The following PDE1A variants were observed in gnomAD, a reference collection of about 807,000 sequenced individuals.
PDE1A encodes the protein dual specificity calcium/calmodulin-dependent 3',5'-cyclic nucleotide phosphodiesterase 1A.
In PDE1A, 35 loss-of-function variants were observed where a neutral mutation model predicts 61.7. The observed-to-expected ratio is 0.57, with a 90% CI of 0.43 to 0.75. The LOEUF (loss-of-function observed/expected upper bound fraction) is 0.75, where lower values mean the gene tolerates loss of function less well. PDE1A is among the 30% of genes least tolerant of loss of function. PDE1A has a pLI of 0.00. For missense variants in PDE1A, 597 were observed against 630.6 expected, an observed-to-expected ratio of 0.95 and a Z score of 0.57; for synonymous variants, 232 against 213.2, an observed-to-expected ratio of 1.09 and a Z score of -0.77.
intron 2 of PDE1A, among the ~76,000 whole-genome samples, chr2:182,487,637 A>G (rs1486158256): frequency 6.6e-6 from 1 of 152,174 alleles, no homozygotes; most frequent in African/African-American, 2.4e-5. Context: ...TGCCTGATAG[A>G]TCATTTACCT....
chr2:182,694,808 T>C, the PDE1A span, among the ~76,000 whole-genome samples: 1 of 106,810 alleles, frequency 9.4e-6, no homozygotes, highest in East Asian at 3.0e-4. Flanking sequence ...TGATATTACA[T>C]AGAGGAAAAA....
the PDE1A span, among the ~76,000 whole-genome samples, chr2:182,645,188 A>G: frequency 6.0e-4 from 91 of 152,160 alleles, no homozygotes; most frequent in Admixed American, 1.5e-3. Flanking sequence ...GGGTTTCACC[A>G]TGTTAGCCAG....
At chr2:182,345,237 G>T (rs1192072871) in intron 1 of PDE1A, among the ~76,000 whole-genome samples, 1 of 152,160 alleles carries the variant, frequency 6.6e-6, no homozygotes, top group Non-Finnish European at 1.5e-5. Flanking sequence ...TGACCTCCCA[G>T]GGTTTCACCC....
At chr2:182,260,443 C>G (rs183584305) in intron 2 of PDE1A, among the ~76,000 whole-genome samples, 61 of 152,240 alleles carry the variant, frequency 4.0e-4, no homozygotes, top group Admixed American at 1.2e-3. Flanking sequence ...ACAGAAACAT[C>G]CTCAGTTTAC....
intron 1 of PDE1A, among the ~76,000 whole-genome samples, chr2:182,351,933 T>C (rs983083417): frequency 3.7e-4 from 57 of 152,340 alleles, no homozygotes; most frequent in Middle Eastern, 6.8e-3. Flanking sequence ...GTTAGTCATA[T>C]GCCAAAAATG....
At chr2:182,504,504 G>A (rs1401357987) in intron 2 of PDE1A, among the ~76,000 whole-genome samples, 1 of 152,042 alleles carries the variant, frequency 6.6e-6, no homozygotes, top group Non-Finnish European at 1.5e-5. Context: ...AAAAATTATT[G>A]CCTCATGTAA....
At chr2:182,292,043 G>A (rs1694570234) in intron 1 of PDE1A, among the ~76,000 whole-genome samples, 1 of 152,038 alleles carries the variant, frequency 6.6e-6, no homozygotes, top group African/African-American at 2.4e-5. Flanking sequence ...TAGTAGTATA[G>A]TATGATCTAT....
intron 1 of PDE1A, among the ~76,000 whole-genome samples, chr2:182,306,376 T>G (rs1445545664): frequency 6.6e-6 from 1 of 152,108 alleles, no homozygotes; most frequent in East Asian, 1.9e-4. Flanking sequence ...GATTCTATTG[T>G]AATTCTATTT....
chr2:182,363,423 A>G (rs1252572221), intron 1 of PDE1A, among the ~76,000 whole-genome samples: 1 of 152,020 alleles, frequency 6.6e-6, no homozygotes, highest in Non-Finnish European at 1.5e-5. Flanking sequence ...TATTGAAAAA[A>G]AATAGAAGAG....
At chr2:182,430,913 C>CAATAGGTGGGAATTGA (rs1245248875), upstream of PDE1A, among the ~76,000 whole-genome samples, 1 of 116,276 alleles carries the variant, frequency 8.6e-6, no homozygotes, top group African/African-American at 3.3e-5. Context: ...ACAATGAGAT[C>CAATAGGTGGGAATTGA]ACATGGACAC....
chr2:182,396,058 TA>T lies in PDE1A; in HGVS notation c.53+30519del, dbSNP rs560554994. Among the ~76,000 whole-genome samples, 8 of 152,164 alleles carry T rather than the reference TA, an allele frequency of 5.3e-5. No homozygotes were observed. In the South Asian group the frequency reaches 1.7e-3, roughly 31 times the overall value. Reference sequence around the variant, plus strand: ...CTTGAGCAGGTCCTGAAGGCACAAGTAAGTTACGTGAGGAAGTGGCTCAAAT... The same window carrying T: ...CTTGAGCAGGTCCTGAAGGCACAAGTAGTTACGTGAGGAAGTGGCTCAAAT... On this transcript the variant is annotated intron_variant, in intron 1 of 13. Coordinates refer to ENST00000351439, the Ensembl canonical transcript of PDE1A.
the PDE1A span, among the ~76,000 whole-genome samples, chr2:182,609,049 A>T: frequency 6.6e-6 from 1 of 152,100 alleles, no homozygotes; most frequent in Non-Finnish European, 1.5e-5. Flanking sequence ...GAGAACCTTT[A>T]TGTCTAGCTA....
At chr2:182,193,116 T>G (rs892073616) in intron 10 of PDE1A, among the ~76,000 whole-genome samples, 1 of 151,818 alleles carries the variant, frequency 6.6e-6, no homozygotes, top group African/African-American at 2.4e-5. Flanking sequence ...GCCTCCCGAG[T>G]AGATGGGACT....
chr2:182,514,158 C>T (rs147389562), intron 2 of PDE1A, among the ~76,000 whole-genome samples: 1,652 of 152,242 alleles, frequency 0.011, 22 homozygotes, highest in Middle Eastern at 0.034. Context: ...AATTACAAAA[C>T]ACTGCTTAAA....
chr2:182,453,366 A>G (rs1007208186), intron 2 of PDE1A, among the ~76,000 whole-genome samples: 4 of 152,020 alleles, frequency 2.6e-5, no homozygotes, highest in Non-Finnish European at 5.9e-5. Flanking sequence ...ACAACTCCAT[A>G]GCCAAATTGG....
At chr2:182,249,532 A>G (rs1001291290) in intron 2 of PDE1A, among the ~76,000 whole-genome samples, 8 of 152,138 alleles carry the variant, frequency 5.3e-5, no homozygotes, top group African/African-American at 1.2e-4. Flanking sequence ...GCCTGGGGCT[A>G]AAGGTGGTAC....
chr2:182,274,590 G>A (rs1187376000), intron 1 of PDE1A, among the ~76,000 whole-genome samples: 2 of 152,146 alleles, frequency 1.3e-5, no homozygotes, highest in African/African-American at 2.4e-5. Context: ...CAATCAAATC[G>A]AGTCCAAAAG....
chr2:182,234,646 T>C, intron 3 of PDE1A, 148 bp from the exon 4 acceptor site: 1 of 586,260 alleles, frequency 1.7e-6, no homozygotes, highest in Non-Finnish European at 3.1e-6. Context: ...ATGATAACTA[T>C]AGTCACCTTT....
intron 1 of PDE1A, among the ~76,000 whole-genome samples, chr2:182,310,867 G>C (rs559378507): frequency 1.3e-5 from 2 of 152,294 alleles, no homozygotes; most frequent in South Asian, 4.1e-4. Context: ...ATGTGACCAT[G>C]TTCTGGCCAA....
Sources: allele counts gnomAD v4.1 joint callset (sites outside exome capture counted in the v4.1 genomes callset), GRCh38; gene constraint gnomAD v4.1.1; transcripts MANE v1.5; gene names NCBI Gene and HGNC (gene_info 2026-07-23, HGNC 2026-07-21).